Variants in SGIP1 observed in about 807,000 individuals in gnomAD.
SGIP1 encodes the protein SH3GL interacting endocytic adaptor 1, also known as SH3-containing GRB2-like protein 3-interacting protein 1.
A neutral mutation model predicts 107.5 loss-of-function variants in SGIP1; 38 were observed. That is an observed-to-expected ratio of 0.35 (90% CI 0.27 to 0.46). The LOEUF (loss-of-function observed/expected upper bound fraction) is 0.46, where lower values mean the gene tolerates loss of function less well. Ranked by LOEUF, SGIP1 falls within the 20% of genes least tolerant of loss-of-function variation. The probability of loss-of-function intolerance (pLI) is 1.00; values close to 1 mark genes in which losing one functional copy is unlikely to be tolerated. For missense variants in SGIP1, 929 were observed against 1,019.5 expected (o/e 0.91, Z 1.21); for synonymous variants, 365 against 366.1 (o/e 1.00, Z 0.03).
chr1:66,661,676 T>C (rs1231555944), intron 8 of SGIP1, among the ~76,000 whole-genome samples: 1 of 152,204 alleles, frequency 6.6e-6, no homozygotes, highest in Admixed American at 6.5e-5. Context: ...TTAACAGCCT[T>C]TTCTTACCCT....
At chr1:66,717,628 AC>A (rs1361607904) in intron 18 of SGIP1, among the ~76,000 whole-genome samples, 2 of 152,142 alleles carry the variant, frequency 1.3e-5, no homozygotes, top group Non-Finnish European at 2.9e-5. Flanking sequence ...ATAATTGCCT[AC>A]TAAGAAGGCA....
intron 1 of SGIP1, among the ~76,000 whole-genome samples, chr1:66,541,768 C>T (rs1458347147): frequency 1.3e-5 from 2 of 152,084 alleles, no homozygotes; most frequent in Non-Finnish European, 2.9e-5. Flanking sequence ...AGGGCATTGT[C>T]AAAGATTATG....
chr1:66,585,926 T>C (rs979217369), intron 1 of SGIP1, among the ~76,000 whole-genome samples: 45 of 152,238 alleles, frequency 3.0e-4, no homozygotes, highest in African/African-American at 1.0e-3. Flanking sequence ...TTCTGTCTAA[T>C]TGATTTACCA....
chr1:66,733,676 C>T lies in SGIP1; in HGVS notation c.1899-72C>T, dbSNP rs1425863377. 6 of 1,523,214 alleles carry T rather than the reference C, an allele frequency of 3.9e-6. No individual in the cohort carries two copies. The African/African-American group carries it at 8.3e-5, about 21-fold the overall frequency. The allele number at this position is 1,523,214 out of a possible 1,614,324, so 94.4% of individuals were successfully genotyped here. A position where few individuals can be genotyped will look rare whatever the true frequency, so the allele number is the denominator to read the frequency against. ...GCTGTACATATCAGACGACAATTTG[C>T]TAAGATGCTTCGTGTAGGGTTTATA... On this transcript the variant is annotated intron_variant, in intron 20 of 24. Transcript: ENST00000371037.
chr1:66,589,342 C>T (rs1570160286), intron 1 of SGIP1, among the ~76,000 whole-genome samples: 2 of 146,952 alleles, frequency 1.4e-5, no homozygotes, highest in African/African-American at 5.0e-5. Context: ...ACTTTGTTTT[C>T]TTAAATAATT....
chr1:66,561,619 C>T (rs188087820), intron 1 of SGIP1, among the ~76,000 whole-genome samples: 295 of 152,104 alleles, frequency 1.9e-3, no homozygotes, highest in Non-Finnish European at 3.2e-3. Context: ...GAAGTACCTG[C>T]TTTATAGAAG....
In SGIP1 at chr1:66,578,837, A is replaced by G. The variant is rs377602385; in HGVS notation, c.10+44469A>G. ...TAGGCATGCGCCAGCACACCCGACT[A>G]ATTTTGTATTTTTAGTAGAGGTGGG... On this transcript the variant is annotated intron_variant, in intron 1 of 24. Transcript: ENST00000371037. Among the ~76,000 whole-genome samples, 7 of 152,158 alleles carry G rather than the reference A, an allele frequency of 4.6e-5. No homozygotes were observed. The South Asian group carries it at 8.3e-4, about 18-fold the overall frequency.
Position 66,695,454 on chromosome 1 carries a change from G to A in SGIP1, c.1591G>A (p.Val531Ile), listed in dbSNP as rs141176864. 1.0e-4 allele frequency: 168 copies of A among 1,613,574 alleles called. No individual in the cohort carries two copies. Among genetic ancestry groups the A allele is most frequent in the Middle Eastern group, 1.6e-4 (1 of 6,082 alleles). ...PTVENEQPSL[V>I]WFDRGKFYLT... ...TACAGAGAATGAACAGCCTTCCCTC[G>A]TTTGGTTTGACAGAGGAAAGTTTTA... The change falls in exon 18 of 25, where the codon GTT becomes ATT. Residue 531 changes from valine (V) to isoleucine (I), a missense_variant. Transcript: ENST00000371037.
At chr1:66,733,029 T>C (rs1258739430) in intron 20 of SGIP1, among the ~76,000 whole-genome samples, 2 of 152,176 alleles carry the variant, frequency 1.3e-5, no homozygotes, top group Non-Finnish European at 2.9e-5. Context: ...ATTTGCAAGA[T>C]AGATTGGGTA....
chr1:66,738,217 C>T (rs763720296), intron 21 of SGIP1, among the ~76,000 whole-genome samples: 9 of 152,068 alleles, frequency 5.9e-5, no homozygotes, highest in Non-Finnish European at 8.8e-5. Context: ...TAAAAGAATC[C>T]ATTTGGGGGC....
chr1:66,591,528 T>C (rs1215520220), intron 1 of SGIP1, among the ~76,000 whole-genome samples: 2 of 152,162 alleles, frequency 1.3e-5, no homozygotes, highest in African/African-American at 4.8e-5. Flanking sequence ...CCCCTACACA[T>C]GCACAGCCTC....
chr1:66,669,922 A>G (rs1303265865), intron 9 of SGIP1, among the ~76,000 whole-genome samples: 6 of 152,202 alleles, frequency 3.9e-5, no homozygotes, highest in African/African-American at 1.4e-4. Context: ...ACCTTGTCCT[A>G]AGCTGTTAAT....
intron 1 of SGIP1, among the ~76,000 whole-genome samples, chr1:66,600,458 GA>G (rs1336911065): frequency 6.6e-6 from 1 of 152,144 alleles, no homozygotes; most frequent in Non-Finnish European, 1.5e-5. Context: ...TGGCAGCAAG[GA>G]AAGAATAACG....
chr1:66,625,388 G>T (rs1048209918), intron 1 of SGIP1, among the ~76,000 whole-genome samples: 1 of 152,192 alleles, frequency 6.6e-6, no homozygotes, highest in Non-Finnish European at 1.5e-5. Flanking sequence ...AAGATAAGAT[G>T]GGAATACGAG....
At chr1:66,539,247 A>G (rs2054322546) in intron 1 of SGIP1, among the ~76,000 whole-genome samples, 1 of 152,200 alleles carries the variant, frequency 6.6e-6, no homozygotes, top group Non-Finnish European at 1.5e-5. Flanking sequence ...TAGGTAGAAC[A>G]GAATTGAGGA....
In SGIP1 at chr1:66,671,062, G is replaced by C. The variant is rs1166348443; in HGVS notation, c.508+43G>C. 3.8e-6 allele frequency: 4 copies of C among 1,057,036 alleles called. 1 individual carries two copies. In the South Asian group the frequency reaches 6.6e-5, roughly 18 times the overall value. 65.5% of individuals were successfully genotyped at this position (1,057,036 alleles called of 1,614,324 possible). ...ACCAGAAATAGTGTATGATTTAAAAGAAAGAACAGTTCCTTGGATCTTGGA... is the reference window on the plus strand; with the variant it reads ...ACCAGAAATAGTGTATGATTTAAAACAAAGAACAGTTCCTTGGATCTTGGA... On this transcript the variant is annotated intron_variant, in intron 10 of 24. Transcript: ENST00000371037.
chr1:66,571,404 G>T (rs772233368), intron 1 of SGIP1, among the ~76,000 whole-genome samples: 11 of 151,934 alleles, frequency 7.2e-5, no homozygotes, highest in Non-Finnish European at 1.0e-4. Flanking sequence ...ACATATGAAT[G>T]TAGACCTGAT....
At chr1:66,631,681 T>TCTCTCTCTCTCTCTCTC (rs2074740245) in intron 2 of SGIP1, among the ~76,000 whole-genome samples, 1 of 132,164 alleles carries the variant, frequency 7.6e-6, no homozygotes, top group African/African-American at 2.8e-5. Context: ...CTCTCTCTCT[T>TCTCTCTCTCTCTCTCTC]TCTCTCTCTC....
At chr1:66,629,944 G>A (rs1489663674) in intron 2 of SGIP1, among the ~76,000 whole-genome samples, 2 of 152,174 alleles carry the variant, frequency 1.3e-5, no homozygotes, top group East Asian at 3.9e-4. Context: ...GATATATGCT[G>A]TTATGATGGC....
Sources: allele counts gnomAD v4.1 joint callset (sites outside exome capture counted in the v4.1 genomes callset), GRCh38; gene constraint gnomAD v4.1.1; transcripts MANE v1.5; gene names NCBI Gene and HGNC (gene_info 2026-07-23, HGNC 2026-07-21).